The following ZMAT4 variants were observed in gnomAD, a reference collection of about 807,000 sequenced individuals.
ZMAT4 encodes zinc finger matrin-type protein 4.
Under a neutral mutation model 28.7 loss-of-function variants are expected in ZMAT4, and 17 were observed. The ratio of observed to expected loss-of-function variants is 0.59; its 90% CI spans 0.41 to 0.89. The LOEUF (loss-of-function observed/expected upper bound fraction) is 0.89, where lower values mean the gene tolerates loss of function less well. Ranked by LOEUF, ZMAT4 falls within the 40% of genes least tolerant of loss-of-function variation. The pLI is 0.00. For synonymous variants in ZMAT4, 117 were observed against 109.2 expected, an observed-to-expected ratio of 1.07 and a Z score of -0.44; for missense variants, 240 against 283.8, an observed-to-expected ratio of 0.85 and a Z score of 1.11.
intron 2 of ZMAT4, among the ~76,000 whole-genome samples, chr8:40,773,797 T>G (rs912493657): frequency 6.6e-6 from 1 of 151,998 alleles, no homozygotes; most frequent in African/African-American, 2.4e-5. Flanking sequence ...AGGAGATCTA[T>G]GTAGAAGTCA....
intron 1 of ZMAT4, among the ~76,000 whole-genome samples, chr8:40,875,121 G>T (rs1404639166): frequency 6.6e-6 from 1 of 152,196 alleles, no homozygotes; most frequent in Non-Finnish European, 1.5e-5. Context: ...GACAAAGCTA[G>T]ATGCTTGCCT....
intron 3 of ZMAT4, among the ~76,000 whole-genome samples, chr8:40,732,381 T>G (rs1411441767): frequency 2.0e-5 from 3 of 152,136 alleles, no homozygotes; most frequent in Non-Finnish European, 2.9e-5. Flanking sequence ...AGGCACACAC[T>G]TGGCACCAGA....
rs77086906 is a variant in ZMAT4 at position 40,831,238 on chromosome 8, C to T, written c.-4-5558G>A. 2.4e-3 allele frequency among the ~76,000 whole-genome samples: 371 copies of T among 152,266 alleles called. 8 individuals are homozygous for T. The East Asian group carries it at 0.039, about 16-fold the overall frequency. ...CTCCTCCTGCCAGCTGAAACTCAGG[C>T]CTGTGAAGACCCCGTACTGCATAAA... On this transcript the variant is annotated intron_variant, in intron 1 of 6. Transcript: ENST00000297737.
intron 3 of ZMAT4, among the ~76,000 whole-genome samples, chr8:40,699,758 G>A (rs927401073): frequency 1.3e-5 from 2 of 152,208 alleles, no homozygotes; most frequent in South Asian, 2.1e-4. Context: ...AGGTCAAAGC[G>A]TGTAATTTTT....
intron 1 of ZMAT4, among the ~76,000 whole-genome samples, chr8:40,863,961 T>C (rs1169586274): frequency 6.6e-6 from 1 of 152,260 alleles, no homozygotes; most frequent in East Asian, 1.9e-4. Context: ...AATGGGAATG[T>C]ACTTTTGTCC....
intron 3 of ZMAT4, among the ~76,000 whole-genome samples, chr8:40,709,758 G>T (rs12678755): frequency 0.15 from 23,155 of 152,116 alleles, 2,550 homozygotes; most frequent in East Asian, 0.37. Context: ...TGGTAGTTGA[G>T]CCGGGCGTGG....
rs113071940 is a variant in ZMAT4 at position 40,791,945 on chromosome 8, C to T, written c.103-24215G>A. On this transcript the variant is annotated intron_variant, in intron 2 of 6. Coordinates refer to ENST00000297737, the MANE Select transcript of ZMAT4 (RefSeq NM_024645.3). ...AGCAGAGGGGCCATAACTCCATGTCCGGGTGGGTTGCTTCAAAATCCACCA... is the reference window on the plus strand; with the variant it reads ...AGCAGAGGGGCCATAACTCCATGTCTGGGTGGGTTGCTTCAAAATCCACCA... Among the ~76,000 whole-genome samples, 1,446 of 152,256 alleles carry T rather than the reference C, an allele frequency of 9.5e-3. 24 individuals are homozygous for T. Among genetic ancestry groups the T allele is most frequent in the African/African-American group, 0.034 (1,395 of 41,542 alleles).
chr8:40,581,069 CTACTTATT>C, intron 6 of ZMAT4, 88 bp downstream of exon 6: 1 of 991,676 alleles, frequency 1.0e-6, no homozygotes, highest in Non-Finnish European at 1.5e-6. Flanking sequence ...AATTTCCACT[CTACTTATT>C]TAGAAATAGA....
chr8:40,567,919 GA>G lies in ZMAT4; in HGVS notation c.674+13245del, dbSNP rs769548016. 2.4e-3 allele frequency among the ~76,000 whole-genome samples: 363 copies of G among 152,192 alleles called. 2 individuals carry two copies. The highest frequency in any genetic ancestry group is 2.5e-3 in the Non-Finnish European group (171 of 67,992). ...AATCAGTGAATATTGAGATTAGCCA[GA>G]ATATACTATCAGTGGTAGCATAAAG... is the stretch of plus-strand genomic sequence containing the variant. On this transcript the variant is annotated intron_variant, in intron 6 of 6. Transcript: ENST00000297737.
At chr8:40,615,237 A>C (rs1033040787) in intron 5 of ZMAT4, among the ~76,000 whole-genome samples, 1 of 152,128 alleles carries the variant, frequency 6.6e-6, no homozygotes, top group African/African-American at 2.4e-5. Context: ...TTTCTTTAAG[A>C]ATGTTGAATA....
At chr8:40,702,855 T>A (rs1463004028) in intron 3 of ZMAT4, among the ~76,000 whole-genome samples, 5 of 152,188 alleles carry the variant, frequency 3.3e-5, no homozygotes, top group African/African-American at 1.2e-4. Context: ...TTCACTGGTC[T>A]GTATGTGAGA....
At chr8:40,802,494 AAATAT>A (rs1193700248) in intron 2 of ZMAT4, among the ~76,000 whole-genome samples, 1 of 152,028 alleles carries the variant, frequency 6.6e-6, no homozygotes, top group Non-Finnish European at 1.5e-5. Context: ...ACTTATTTAT[AAATAT>A]AATAAAATAT....
At chr8:40,546,539 C>T (rs1362112484) in intron 6 of ZMAT4, among the ~76,000 whole-genome samples, 1 of 152,142 alleles carries the variant, frequency 6.6e-6, no homozygotes, top group African/African-American at 2.4e-5. Flanking sequence ...TGCTCTCATC[C>T]AATGCAGGCA....
chr8:40,609,839 A>C (rs1805730952), intron 5 of ZMAT4, among the ~76,000 whole-genome samples: 1 of 152,012 alleles, frequency 6.6e-6, no homozygotes, highest in Admixed American at 6.6e-5. Flanking sequence ...TCTTTTGAGG[A>C]GATACTCTGT....
intron 1 of ZMAT4, among the ~76,000 whole-genome samples, chr8:40,844,738 T>C (rs916532223): frequency 1.3e-5 from 2 of 151,132 alleles, no homozygotes; most frequent in Admixed American, 6.6e-5. Context: ...CACCTTGCAT[T>C]AGCAATAAAC....
At chr8:40,604,972 T>G (rs534205873) in intron 5 of ZMAT4, among the ~76,000 whole-genome samples, 1 of 152,246 alleles carries the variant, frequency 6.6e-6, no homozygotes, top group East Asian at 1.9e-4. Flanking sequence ...TATGCATAAA[T>G]GTGCTCATAG....
At chr8:40,787,317 G>A (rs187044434) in intron 2 of ZMAT4, among the ~76,000 whole-genome samples, 7 of 152,236 alleles carry the variant, frequency 4.6e-5, no homozygotes, top group East Asian at 1.9e-4. Context: ...AATCCCCATC[G>A]CTGTCAATCA....
chr8:40,820,339 T>C (rs549762944), intron 2 of ZMAT4, among the ~76,000 whole-genome samples: 1 of 151,616 alleles, frequency 6.6e-6, no homozygotes, highest in African/African-American at 2.4e-5. Context: ...TGTGTATGTG[T>C]GTGTTTATGT....
At chr8:40,632,870 A>G (rs1378276896) in intron 5 of ZMAT4, among the ~76,000 whole-genome samples, 1 of 152,234 alleles carries the variant, frequency 6.6e-6, no homozygotes, top group Non-Finnish European at 1.5e-5. Flanking sequence ...TATTTCTCAC[A>G]TGTACACAGA....
Sources: gnomAD v4.1 joint callset for allele counts (sites outside exome capture counted in the v4.1 genomes callset) on GRCh38, gnomAD v4.1.1 for gene constraint, MANE v1.5 for transcripts, NCBI Gene and HGNC (gene_info 2026-07-23, HGNC 2026-07-21) for gene names.